CELF1: variants seen among roughly 807,000 people sequenced by gnomAD.
CELF1 encodes CUGBP Elav-like family member 1.
In CELF1, 10 loss-of-function variants were observed where a neutral mutation model predicts 61.8. The ratio of observed to expected loss-of-function variants is 0.16; its 90% confidence interval spans 0.10 to 0.27. CELF1 has a LOEUF of 0.27. Among genes scored for constraint, CELF1 ranks in the 10% least tolerant of loss-of-function variants. CELF1 has a pLI of 1.00. For missense variants in CELF1, 380 were observed against 639.1 expected (o/e 0.59, Z 4.37); for synonymous variants, 236 against 225.1 (o/e 1.05, Z -0.43).
At chr11:47,564,110 T>C (rs186043373) in intron 2 of CELF1, among the ~76,000 whole-genome samples, 78 of 128,904 alleles carry the variant, frequency 6.1e-4, no homozygotes, top group Non-Finnish European at 8.3e-4. Context: ...CAGATCACCA[T>C]AGGTCAGGAG....
intron 1 of CELF1, among the ~76,000 whole-genome samples, chr11:47,520,632 A>AC (rs2095837549): frequency 6.6e-6 from 1 of 151,756 alleles, no homozygotes; most frequent in African/African-American, 2.4e-5. Context: ...ACATGGCAAA[A>AC]CCCTACCTCT....
intron 9 of CELF1, among the ~76,000 whole-genome samples, chr11:47,480,925 G>A (rs1237626437): frequency 1.3e-5 from 2 of 151,866 alleles, no homozygotes; most frequent in African/African-American, 4.8e-5. Context: ...AATCCCAGCT[G>A]CTTGCAGTTG....
rs376361989 is a variant in CELF1, at chr11:47,475,533, G to T, written c.1088-12C>A. On this transcript the variant is annotated splice_polypyrimidine_tract_variant and intron_variant, in intron 12 of 14. Transcript: ENST00000687097. ...TAAAGCAGCCATTCCTTGGTTGGAG[G>T]AAGAGAAGGATTAATATACTAGAAA... 1.5e-5 allele frequency: 24 copies of T among 1,613,500 alleles called. No homozygotes were observed. Among genetic ancestry groups the T allele is most frequent in the Middle Eastern group, 3.5e-4 (2 of 5,790 alleles).
At chr11:47,483,635 C>G (rs1596367348) in intron 7 of CELF1, 103 bp from the exon 8 acceptor site, 6 of 818,032 alleles carry the variant, frequency 7.3e-6, no homozygotes, top group Non-Finnish European at 1.2e-5. Flanking sequence ...AATACAGACA[C>G]AGTCCCTGTT....
chr11:47,500,107 C>G (rs1301230456), intron 2 of CELF1, among the ~76,000 whole-genome samples: 1 of 152,148 alleles, frequency 6.6e-6, no homozygotes, highest in African/African-American at 2.4e-5. Context: ...ATAAGACCAT[C>G]AGAAGCAGGC....
chr11:47,486,103 A>G (rs12808173), intron 6 of CELF1, among the ~76,000 whole-genome samples: 25,501 of 25,504 alleles, frequency 1, 12,749 homozygotes, highest in Middle Eastern at 1. Context: ...GGAGGTTGCA[A>G]TGAGCTAAGA....
In CELF1 at chr11:47,502,985, A is replaced by G. The variant is rs572523706; in HGVS notation, c.-153-2053T>C. ...TCATCACCTGTTCCTTTCACTCTGAATGTACTTTCATGGTTTCCTCTTCTC... is the reference window on the plus strand; with the variant it reads ...TCATCACCTGTTCCTTTCACTCTGAGTGTACTTTCATGGTTTCCTCTTCTC... On this transcript the variant is annotated intron_variant, in intron 1 of 14. Coordinates refer to ENST00000687097, the MANE Select transcript of CELF1 (RefSeq NM_001376376.1). 2.0e-5 allele frequency among the ~76,000 whole-genome samples: 3 copies of G among 152,262 alleles called. No individual in the cohort carries two copies. In the South Asian group the frequency reaches 6.2e-4, roughly 32 times the overall value.
intron 1 of CELF1, among the ~76,000 whole-genome samples, chr11:47,538,428 G>T (rs1315511084): frequency 3.3e-5 from 5 of 152,070 alleles, no homozygotes; most frequent in Non-Finnish European, 7.4e-5. Flanking sequence ...CAGATCACGA[G>T]GTCAGTAGAT....
intron 1 of CELF1, among the ~76,000 whole-genome samples, chr11:47,531,133 G>C (rs907978454): frequency 2.0e-5 from 3 of 152,034 alleles, no homozygotes; most frequent in Non-Finnish European, 4.4e-5. Context: ...TGTAATCCCA[G>C]CTACTCGGGA....
In CELF1 at chr11:47,484,628, A is replaced by G; in HGVS notation, c.392-105T>C. 3 of 868,834 alleles carry G rather than the reference A, an allele frequency of 3.5e-6. 1 individual carries two copies. The highest frequency in any genetic ancestry group is 5.2e-5 in the Admixed American group (2 of 38,824). 53.8% of individuals were successfully genotyped at this position (868,834 alleles called of 1,614,324 possible). A position where few individuals can be genotyped will look rare whatever the true frequency, so the allele number is the denominator to read the frequency against. On this transcript the variant is annotated intron_variant, in intron 6 of 14. Transcript: ENST00000687097. ...TGGGTTTGAATCCTGGCTCTGTACC[A>G]TATTTTACAGATTCAAAGACACACA...
At chr11:47,508,267 G>A (rs2094690953) in intron 1 of CELF1, among the ~76,000 whole-genome samples, 1 of 152,072 alleles carries the variant, frequency 6.6e-6, no homozygotes, top group Non-Finnish European at 1.5e-5. Flanking sequence ...TCAAAGAAAA[G>A]GCCAGGGAAC....
At chr11:47,480,351 T>G (rs1017707994) in intron 9 of CELF1, among the ~76,000 whole-genome samples, 3 of 152,194 alleles carry the variant, frequency 2.0e-5, no homozygotes, top group Non-Finnish European at 4.4e-5. Context: ...CTTCCCAAAA[T>G]GCTGGGATTA....
At chr11:47,510,416 A>G (rs2095028598) in intron 1 of CELF1, among the ~76,000 whole-genome samples, 1 of 152,232 alleles carries the variant, frequency 6.6e-6, no homozygotes, top group Non-Finnish European at 1.5e-5. Context: ...GTCCAGAGAC[A>G]AGGGCCTGTG....
At chr11:47,551,662 T>C (rs1011640720) in intron 1 of CELF1, among the ~76,000 whole-genome samples, 1 of 152,160 alleles carries the variant, frequency 6.6e-6, no homozygotes, top group African/African-American at 2.4e-5. Flanking sequence ...GGGGAAAGCA[T>C]CCAATTAAAG....
rs895518182 is a variant in CELF1, at chr11:47,553,018, G to A, written c.-180C>T. On this transcript the variant is annotated 5_prime_UTR_variant, in exon 1 of 15. Coordinates refer to ENST00000687097, the MANE Select transcript of CELF1 (RefSeq NM_001376376.1). ...AGCGGCTGCACCTGAGCCTGCCGCTGCCTCAGTTGCTGCCTGCGCCTCCGC... is the reference window on the plus strand; with the variant it reads ...AGCGGCTGCACCTGAGCCTGCCGCTACCTCAGTTGCTGCCTGCGCCTCCGC... The A allele has an allele frequency of 2.5e-5, 10 of 398,278 alleles. No homozygotes were observed. Among genetic ancestry groups the A allele is most frequent in the Admixed American group, 4.4e-5 (1 of 22,684 alleles). The allele number at this position is 398,278 out of a possible 1,614,324, so 24.7% of individuals were successfully genotyped here. A position where few individuals can be genotyped will look rare whatever the true frequency, so the allele number is the denominator to read the frequency against.
intron 1 of CELF1, among the ~76,000 whole-genome samples, chr11:47,537,014 T>C (rs1468771086): frequency 6.6e-6 from 1 of 152,128 alleles, no homozygotes; most frequent in Non-Finnish European, 1.5e-5. Context: ...GGATGCTTTA[T>C]TCATTTTTAC....
At chr11:47,507,102 C>G (rs943073635) in intron 1 of CELF1, among the ~76,000 whole-genome samples, 2 of 152,154 alleles carry the variant, frequency 1.3e-5, no homozygotes, top group African/African-American at 4.8e-5. Flanking sequence ...AAAACACCAT[C>G]AACTTAAACG....
rs1397780099 is a variant in CELF1 at position 47,476,923 on chromosome 11, A to C, written c.1010T>G (p.Val337Gly). Residue 337 changes from valine (V) to glycine (G), a missense_variant, in exon 12 of 15, where the codon GTC becomes GGC. Physicochemically the swap from Val to Gly is moderately radical, Grantham distance 109. Coordinates refer to ENST00000687097, the MANE Select transcript of CELF1 (RefSeq NM_001376376.1). ...SSPSSSSSNS[V>G]NPIASLGALQ... ...GGCTCCAAGTGAGGCTATGGGGTTG[A>C]CAGAATTACTGCTGCTAGAGCTAGG... 6.2e-7 allele frequency: 1 copy of C among 1,614,088 alleles called. No homozygotes were observed.
chr11:47,472,288 C>A lies in CELF1; in HGVS notation c.1487G>T (p.Gly496Val). 6.2e-7 allele frequency: 1 copy of A among 1,614,166 alleles called. No individual in the cohort carries two copies. The highest frequency in any genetic ancestry group is 8.5e-7 in the Non-Finnish European group (1 of 1,180,012). ...GAGCTGCACTTTAAGCCGCTTCATG[C>A]CAATCTGAAAGCCGTTCATGGACTG... is the stretch of plus-strand genomic sequence containing the variant. ...AIQSMNGFQI[G>V]MKRLKVQLKR... The change falls in exon 15 of 15, where the codon GGC becomes GTC. Residue 496 changes from glycine to valine, a missense_variant. Physicochemically the swap from Gly to Val is moderately radical, Grantham distance 109 (BLOSUM62 -3). Coordinates refer to ENST00000687097, the MANE Select transcript of CELF1 (RefSeq NM_001376376.1).
Sources: allele counts gnomAD v4.1 joint callset (sites outside exome capture counted in the v4.1 genomes callset), GRCh38; gene constraint gnomAD v4.1.1; transcripts MANE v1.5; gene names NCBI Gene and HGNC (gene_info 2026-07-23, HGNC 2026-07-21).